The following LINGO2 variants were observed in gnomAD, a reference collection of about 807,000 sequenced individuals.
LINGO2 encodes leucine-rich repeat and immunoglobulin-like domain-containing nogo receptor-interacting protein 2.
Under a neutral mutation model 30.6 loss-of-function variants are expected in LINGO2, and 14 were observed. The ratio of observed to expected loss-of-function variants is 0.46; its 90% CI spans 0.30 to 0.72. The LOEUF (loss-of-function observed/expected upper bound fraction) is 0.72, where lower values mean the gene tolerates loss of function less well. Among genes scored for constraint, LINGO2 ranks in the 30% least tolerant of loss-of-function variants. The pLI is 0.07. For missense variants in LINGO2, 729 were observed against 751.7 expected (o/e 0.97, Z 0.35); for synonymous variants, 317 against 288.5 (o/e 1.10, Z -1.00).
At chr9:28,817,717 G>C in the LINGO2 span, among the ~76,000 whole-genome samples, 1 of 152,194 alleles carries the variant, frequency 6.6e-6, no homozygotes, top group African/African-American at 2.4e-5. Context: ...CCCCCACTGA[G>C]ATGGAACAAT....
chr9:28,489,006 A>C (rs1257904296), intron 1 of LINGO2, among the ~76,000 whole-genome samples: 1 of 152,228 alleles, frequency 6.6e-6, no homozygotes, highest in Non-Finnish European at 1.5e-5. Flanking sequence ...TGTTTAGCCA[A>C]TGCTATTGAG....
At chr9:29,061,988 T>TGA in the LINGO2 span, among the ~76,000 whole-genome samples, 1 of 151,872 alleles carries the variant, frequency 6.6e-6, no homozygotes, top group Non-Finnish European at 1.5e-5. Flanking sequence ...CAAAAAACAA[T>TGA]GTAATTAAAA....
chr9:28,937,694 A>G, the LINGO2 span, among the ~76,000 whole-genome samples: 1 of 152,142 alleles, frequency 6.6e-6, no homozygotes, highest in Non-Finnish European at 1.5e-5. Flanking sequence ...GAAACCAGGA[A>G]GGAGACAGCC....
intron 2 of LINGO2, among the ~76,000 whole-genome samples, chr9:28,379,204 A>C (rs1220198645): frequency 6.6e-6 from 1 of 152,132 alleles, no homozygotes; most frequent in East Asian, 1.9e-4. Flanking sequence ...TATAGTCAGC[A>C]TGAAGCCATA....
the LINGO2 span, among the ~76,000 whole-genome samples, chr9:28,882,171 G>A: frequency 1.3e-5 from 2 of 152,104 alleles, no homozygotes; most frequent in Admixed American, 6.6e-5. Flanking sequence ...TCACAGATAC[G>A]ATTTAATCTT....
chr9:28,668,472 A>G (rs977378101), intron 1 of LINGO2, among the ~76,000 whole-genome samples: 9 of 152,096 alleles, frequency 5.9e-5, no homozygotes, highest in Admixed American at 3.9e-4. Context: ...ATCCCATAAA[A>G]GTGAAACAAA....
the LINGO2 span, among the ~76,000 whole-genome samples, chr9:28,700,533 C>A: frequency 2.0e-5 from 3 of 152,082 alleles, no homozygotes; most frequent in Admixed American, 2.0e-4. Context: ...TCCATCCATA[C>A]ACTGAAGGAC....
At chr9:28,531,061 A>G (rs899195736) in intron 1 of LINGO2, among the ~76,000 whole-genome samples, 1 of 148,188 alleles carries the variant, frequency 6.7e-6, no homozygotes, top group Admixed American at 6.8e-5. Context: ...ATATATATAT[A>G]TATAATATAT....
chr9:28,467,720 A>C (rs1825370881), intron 2 of LINGO2, among the ~76,000 whole-genome samples: 1 of 152,090 alleles, frequency 6.6e-6, no homozygotes, highest in South Asian at 2.1e-4. Context: ...TTTTTAAAGA[A>C]GCCTAATTCA....
chr9:28,608,289 T>G (rs1825777030), intron 1 of LINGO2, among the ~76,000 whole-genome samples: 1 of 151,962 alleles, frequency 6.6e-6, no homozygotes, highest in African/African-American at 2.4e-5. Context: ...CTCTTTATAA[T>G]AATGAATCTT....
At chr9:29,006,904 CT>C in the LINGO2 span, among the ~76,000 whole-genome samples, 1 of 151,928 alleles carries the variant, frequency 6.6e-6, no homozygotes, top group South Asian at 2.1e-4. Context: ...AGCATTAGCT[CT>C]GTGAAATGGT....
chr9:28,003,609 C>A (rs1052185792), intron 5 of LINGO2, among the ~76,000 whole-genome samples: 1 of 152,096 alleles, frequency 6.6e-6, no homozygotes, highest in East Asian at 1.9e-4. Context: ...CTACAGGCGC[C>A]TGCCACCACA....
chr9:29,141,640 T>C, the LINGO2 span, among the ~76,000 whole-genome samples: 1 of 151,816 alleles, frequency 6.6e-6, no homozygotes, highest in Non-Finnish European at 1.5e-5. Flanking sequence ...GTCCTAACAA[T>C]ATGCTGTCTA....
the LINGO2 span, among the ~76,000 whole-genome samples, chr9:29,148,755 T>C: frequency 1.3e-5 from 2 of 152,146 alleles, no homozygotes; most frequent in African/African-American, 2.4e-5. Flanking sequence ...CTATTTTTTA[T>C]AGCTATTATG....
intron 4 of LINGO2, among the ~76,000 whole-genome samples, chr9:28,103,831 T>G (rs1373248602): frequency 6.6e-6 from 1 of 152,196 alleles, no homozygotes; most frequent in African/African-American, 2.4e-5. Context: ...TTTAACTCTT[T>G]TGAATACCCA....
At chr9:28,443,774 C>T (rs900386834) in intron 2 of LINGO2, among the ~76,000 whole-genome samples, 5 of 152,168 alleles carry the variant, frequency 3.3e-5, no homozygotes, top group African/African-American at 1.2e-4. Context: ...GCATGGACAG[C>T]CTGAGCACCA....
At chr9:28,435,238 TGTAAA>T (rs1164066481) in intron 2 of LINGO2, among the ~76,000 whole-genome samples, 2 of 152,200 alleles carry the variant, frequency 1.3e-5, no homozygotes, top group African/African-American at 4.8e-5. Flanking sequence ...TCAATTTTAC[TGTAAA>T]GTAATTCAAG....
At chr9:28,636,048 C>T (rs1289988344) in intron 1 of LINGO2, among the ~76,000 whole-genome samples, 1 of 152,010 alleles carries the variant, frequency 6.6e-6, no homozygotes, top group African/African-American at 2.4e-5. Flanking sequence ...TTGTTCACTT[C>T]CCACCTATGA....
At chr9:28,750,696 C>T in the LINGO2 span, among the ~76,000 whole-genome samples, 58 of 152,046 alleles carry the variant, frequency 3.8e-4, 1 homozygote, top group African/African-American at 1.4e-3. Context: ...CTTTGAGCCT[C>T]AGTTTCTTCA....
Sources: allele counts gnomAD v4.1 joint callset (sites outside exome capture counted in the v4.1 genomes callset), GRCh38; gene constraint gnomAD v4.1.1; transcripts MANE v1.5; gene names NCBI Gene and HGNC (gene_info 2026-07-23, HGNC 2026-07-21).